COBL: variants seen among roughly 807,000 people sequenced by gnomAD.
COBL encodes the protein cordon-bleu WH2 repeat protein.
Under a neutral mutation model 98.8 loss-of-function variants are expected in COBL, and 51 were observed. The observed-to-expected ratio is 0.52, with a 90% CI of 0.41 to 0.65. COBL has a LOEUF of 0.65. Ranked by LOEUF, COBL falls within the 30% of genes least tolerant of loss-of-function variation. COBL has a pLI of 0.00. For missense variants in COBL, 1,617 were observed against 1,617.5 expected (o/e 1.00, Z 0.01); for synonymous variants, 634 against 651.7 (o/e 0.97, Z 0.41).
intron 5 of COBL, chr7:51,156,289 T>C (rs1786124433): frequency 2.0e-6 from 2 of 985,222 alleles, no homozygotes; most frequent in Admixed American, 1.2e-4. Flanking sequence ...TTTCCTCTTT[T>C]TTATCTCCCC....
chr7:51,297,532 A>C (rs143048066), intron 1 of COBL, among the ~76,000 whole-genome samples: 3,693 of 151,674 alleles, frequency 0.024, 144 homozygotes, highest in African/African-American at 0.084. Context: ...GCTGGGATTA[A>C]AGGCACCTGC....
At position 51,060,081 on chromosome 7, in the gene COBL, G is replaced by A. The variant is rs573749749; in HGVS notation, c.1097-16389C>T. ...ATCTGATCTCGTCTTCAGTGCACAC[G>A]CTTCACCCTGGCTGTCTGACAGCAG... On this transcript the variant is annotated intron_variant, in intron 7 of 12. Coordinates refer to ENST00000265136, the MANE Select transcript of COBL (RefSeq NM_015198.5). Among the ~76,000 whole-genome samples, 19 of 152,208 alleles carry A rather than the reference G, an allele frequency of 1.2e-4. No individual in the cohort carries two copies. The South Asian group carries it at 2.5e-3, about 20-fold the overall frequency.
chr7:51,184,237 G>T, intron 4 of COBL, 38 bp from the exon 5 acceptor site: 1 of 1,158,888 alleles, frequency 8.6e-7, no homozygotes, highest in Non-Finnish European at 1.2e-6. Context: ...TTCAGCATCT[G>T]AAACAAGAGA....
chr7:51,043,552 G>C lies in COBL; in HGVS notation c.1237C>G (p.Pro413Ala). The C allele has an allele frequency of 6.2e-7, 1 of 1,614,200 alleles. No homozygotes were observed. Among genetic ancestry groups the C allele is most frequent in the Admixed American group, 1.7e-5 (1 of 60,022 alleles). The change falls in exon 8 of 13, where the codon CCC becomes GCC. Residue 413 changes from proline (P) to alanine (A), a missense_variant. Physicochemically the swap from Pro to Ala is conservative, Grantham distance 27. Transcript: ENST00000265136. ...GAGTCCAGAGAGACGATGTCTGAGG[G>C]GGAACTCATCACTCCTGAGTCCTCG... ...TTEDSGVMSS[P>A]SDIVSLDSQQ...
At position 51,028,246 on chromosome 7, in the gene COBL, A is replaced by C. The variant is rs776845893; in HGVS notation, c.2850T>G (p.Pro950=). 6.2e-7 allele frequency: 1 copy of C among 1,613,918 alleles called. No individual in the cohort carries two copies. The highest frequency in any genetic ancestry group is 1.3e-5 in the African/African-American group (1 of 75,056). The change falls in exon 10 of 13, where the codon CCT becomes CCG. Residue 950 remains proline (P), a synonymous_variant. Transcript: ENST00000265136. ...TGTGTGGGCCAATGACCTCCCCCCTAGGAGGGGCTCCCACTGCCAAATCTT... is the reference window on the plus strand; with the variant it reads ...TGTGTGGGCCAATGACCTCCCCCCTCGGAGGGGCTCCCACTGCCAAATCTT... The part of the protein sequence containing the change: ...HGEDLAVGAP[P]RGEVIGPHRK...
intron 5 of COBL, among the ~76,000 whole-genome samples, chr7:51,150,735 T>C (rs969729309): frequency 1.3e-5 from 2 of 152,306 alleles, no homozygotes; most frequent in Middle Eastern, 3.4e-3. Flanking sequence ...AGACCACCTA[T>C]GGCTGCTCAA....
At chr7:51,315,788 T>C (rs1803508728) in intron 1 of COBL, among the ~76,000 whole-genome samples, 1 of 151,948 alleles carries the variant, frequency 6.6e-6, no homozygotes, top group Non-Finnish European at 1.5e-5. Flanking sequence ...GGGAAATTAC[T>C]CTTTCTGAGA....
At chr7:51,194,871 T>C (rs1367715108) in intron 2 of COBL, among the ~76,000 whole-genome samples, 1 of 152,200 alleles carries the variant, frequency 6.6e-6, no homozygotes, top group Non-Finnish European at 1.5e-5. Flanking sequence ...GTTTTGTTTT[T>C]TTTTCTTGTA....
At chr7:51,112,785 A>C (rs1175724658) in intron 6 of COBL, among the ~76,000 whole-genome samples, 1 of 152,184 alleles carries the variant, frequency 6.6e-6, no homozygotes, top group Non-Finnish European at 1.5e-5. Context: ...GCAGGAAGGC[A>C]CAATCAGGTT....
chr7:51,046,795 T>C (rs546555158), intron 7 of COBL, among the ~76,000 whole-genome samples: 20 of 152,046 alleles, frequency 1.3e-4, no homozygotes, highest in Admixed American at 7.9e-4. Flanking sequence ...GAGCCAGCGA[T>C]CCAGGGACCC....
At position 51,228,996 on chromosome 7, in the gene COBL, T is replaced by C. The variant is rs77220316; in HGVS notation, c.42-9052A>G. 7.4e-4 allele frequency among the ~76,000 whole-genome samples: 113 copies of C among 152,350 alleles called. 2 individuals carry two copies. In the East Asian group the frequency reaches 0.021, roughly 28 times the overall value. On this transcript the variant is annotated intron_variant, in intron 1 of 12. Coordinates refer to ENST00000265136, the MANE Select transcript of COBL (RefSeq NM_015198.5). ...GAATAGATCAGAGAAAACTTACTGA[T>C]TCCCAAACCACCAGGCAATGTTTGC...
In COBL at chr7:51,085,205, G is replaced by C. The variant is rs147541675; in HGVS notation, c.1057C>G (p.Arg353Gly). Residue 353 changes from arginine to glycine, a missense_variant, in exon 7 of 13, where the codon CGC becomes GGC. Coordinates refer to ENST00000265136, the MANE Select transcript of COBL (RefSeq NM_015198.5). Reference protein sequence around the residue: ...PPPPSPLIPNRTEDKEENRKS... With the variant: ...PPPPSPLIPNGTEDKEENRKS... ...CTGTTCTCCTCCTTATCCTCAGTGC[G>C]GTTGGGGATCAGGGGACTCGGTGGT... The C allele has an allele frequency of 1.3e-3, 2,105 of 1,613,998 alleles. 2 individuals carry two copies. Among genetic ancestry groups the C allele is most frequent in the Admixed American group, 2.0e-3 (120 of 60,020 alleles).
At chr7:51,030,712 T>C (rs959389147) in intron 9 of COBL, 100 bp downstream of exon 9, 1 of 781,050 alleles carries the variant, frequency 1.3e-6, no homozygotes, top group African/African-American at 1.7e-5. Context: ...TGAAGGCTGT[T>C]TCCTCACATA....
intron 2 of COBL, among the ~76,000 whole-genome samples, chr7:51,202,231 G>A (rs977681472): frequency 6.6e-6 from 1 of 152,136 alleles, no homozygotes; most frequent in Non-Finnish European, 1.5e-5. Flanking sequence ...AAAGTACACT[G>A]AGGTTGCTAA....
intron 1 of COBL, among the ~76,000 whole-genome samples, chr7:51,281,619 G>A (rs940873601): frequency 6.0e-5 from 9 of 149,086 alleles, no homozygotes; most frequent in African/African-American, 2.2e-4. Flanking sequence ...CTAGAATGAA[G>A]TCGAAACAAC....
chr7:51,244,602 C>T (rs1796121515), intron 1 of COBL, among the ~76,000 whole-genome samples: 1 of 152,182 alleles, frequency 6.6e-6, no homozygotes, highest in South Asian at 2.1e-4. Context: ...CGGCCACTCT[C>T]TCTCACCCAC....
chr7:51,027,918 T>C lies in COBL; in HGVS notation c.3178A>G (p.Ser1060Gly). The change falls in exon 10 of 13, where the codon AGC becomes GGC. Residue 1060 changes from serine to glycine, a missense_variant. This residue lies in a region of COBL where 1,304 missense variants were observed against 1,282.0 expected (regional missense o/e 1.02). Coordinates refer to ENST00000265136, the MANE Select transcript of COBL (RefSeq NM_015198.5). ...TCCTCTCTTTCTAGGAGAATGTGGC[T>C]TTCTGTGCCAGACCCTCCTGGAGGG... The part of the protein sequence containing the change: ...SHPPGGSGTE[S>G]HILLEREEKP... 6.2e-7 allele frequency: 1 copy of C among 1,614,112 alleles called. No individual in the cohort carries two copies. The highest frequency in any genetic ancestry group is 8.5e-7 in the Non-Finnish European group (1 of 1,179,970).
intron 7 of COBL, chr7:51,065,191 C>A (rs957817373): frequency 1.4e-6 from 1 of 703,200 alleles, no homozygotes; most frequent in Admixed American, 2.0e-5. Context: ...AGGTAAGACA[C>A]AAGATGGGTT....
chr7:51,114,085 G>A (rs1485294914), intron 6 of COBL, among the ~76,000 whole-genome samples: 12 of 152,150 alleles, frequency 7.9e-5, no homozygotes, highest in Non-Finnish European at 1.2e-4. Flanking sequence ...CCTAGACTTT[G>A]GGTCTACATA....
Sources: gnomAD v4.1 joint callset for allele counts (sites outside exome capture counted in the v4.1 genomes callset) on GRCh38, gnomAD v4.1.1 for gene constraint, gnomAD v4.1.1 regional missense constraint, MANE v1.5 for transcripts, NCBI Gene and HGNC (gene_info 2026-07-23, HGNC 2026-07-21) for gene names.